Variants in PRKCE observed in about 807,000 individuals in gnomAD.
The protein encoded by PRKCE is protein kinase C epsilon type.
In PRKCE, 16 loss-of-function variants were observed where a neutral mutation model predicts 85.4. The observed-to-expected ratio is 0.19, with a 90% confidence interval of 0.13 to 0.28. The LOEUF is 0.28. Ranked by LOEUF, PRKCE falls within the 10% of genes least tolerant of loss-of-function variation. The pLI is 1.00. For synonymous variants in PRKCE, 388 were observed against 371.5 expected (o/e 1.04, Z -0.51); for missense variants, 573 against 975.2 (o/e 0.59, Z 5.49).
intron 2 of PRKCE, among the ~76,000 whole-genome samples, chr2:45,969,914 C>T (rs1422038459): frequency 2.0e-5 from 3 of 152,208 alleles, no homozygotes; most frequent in Non-Finnish European, 4.4e-5. Flanking sequence ...CTTAAAGTTG[C>T]TGTCGTTGTA....
chr2:45,754,028 T>G (rs1437800073), intron 1 of PRKCE, among the ~76,000 whole-genome samples: 2 of 152,186 alleles, frequency 1.3e-5, no homozygotes, highest in Non-Finnish European at 2.9e-5. Flanking sequence ...AAGGCCTATA[T>G]TCACATTGCC....
At chr2:45,766,526 T>C (rs563872082) in intron 1 of PRKCE, among the ~76,000 whole-genome samples, 1 of 152,040 alleles carries the variant, frequency 6.6e-6, no homozygotes, top group African/African-American at 2.4e-5. Flanking sequence ...CAGAGAGAGA[T>C]AGTTGAGGGA....
intron 1 of PRKCE, among the ~76,000 whole-genome samples, chr2:45,841,839 A>T (rs2105478200): frequency 6.6e-6 from 1 of 152,376 alleles, no homozygotes; most frequent in Non-Finnish European, 1.5e-5. Context: ...GATATCCACT[A>T]GACTGACTGT....
At chr2:45,936,530 G>A (rs1330544343) in intron 2 of PRKCE, among the ~76,000 whole-genome samples, 2 of 152,178 alleles carry the variant, frequency 1.3e-5, no homozygotes, top group East Asian at 1.9e-4. Flanking sequence ...GGAAGCCAGC[G>A]GGAGGCCCGA....
intron 2 of PRKCE, among the ~76,000 whole-genome samples, chr2:45,962,278 T>C (rs557406644): frequency 2.8e-4 from 43 of 152,340 alleles, no homozygotes; most frequent in Middle Eastern, 3.4e-3. Context: ...AAAGAATGTA[T>C]ACCTATAAGA....
intron 1 of PRKCE, among the ~76,000 whole-genome samples, chr2:45,757,588 G>T (rs1353659147): frequency 6.6e-6 from 1 of 152,000 alleles, no homozygotes; most frequent in Non-Finnish European, 1.5e-5. Context: ...GATCATTTGA[G>T]CCCAGGAGTT....
intron 1 of PRKCE, among the ~76,000 whole-genome samples, chr2:45,744,014 G>C (rs1285115323): frequency 9.8e-5 from 14 of 143,490 alleles, no homozygotes; most frequent in Admixed American, 8.4e-4. Flanking sequence ...TTTTTTTCCA[G>C]ATAATGCATC....
At chr2:45,967,691 AT>A (rs11431588) in intron 2 of PRKCE, among the ~76,000 whole-genome samples, 1 of 151,866 alleles carries the variant, frequency 6.6e-6, no homozygotes, top group African/African-American at 2.4e-5. Flanking sequence ...AGGATGACTC[AT>A]TTTTTTTCTT....
At chr2:45,917,673 C>T (rs1697909008) in intron 2 of PRKCE, among the ~76,000 whole-genome samples, 1 of 152,270 alleles carries the variant, frequency 6.6e-6, no homozygotes, top group South Asian at 2.1e-4. Flanking sequence ...TGCGCCCGCA[C>T]TCCTCAGCCC....
chr2:45,838,425 A>G, intron 1 of PRKCE, among the ~76,000 whole-genome samples: 1 of 152,338 alleles, frequency 6.6e-6, no homozygotes, highest in Middle Eastern at 3.4e-3. Flanking sequence ...ACAGGAGATT[A>G]GATGAACTAA....
At chr2:45,919,360 T>C (rs951659750) in intron 2 of PRKCE, among the ~76,000 whole-genome samples, 9 of 152,248 alleles carry the variant, frequency 5.9e-5, no homozygotes, top group African/African-American at 2.2e-4. Context: ...TTCCAAAACA[T>C]GTGATCTCTA....
At chr2:46,115,814 C>A (rs981473927) in intron 11 of PRKCE, among the ~76,000 whole-genome samples, 1 of 152,192 alleles carries the variant, frequency 6.6e-6, no homozygotes, top group Non-Finnish European at 1.5e-5. Flanking sequence ...ACCAGGTACC[C>A]CGGGGAACTC....
In PRKCE at chr2:46,177,914, C is replaced by T. The variant is rs757125278; in HGVS notation, c.2068-6821C>T. On this transcript the variant is annotated intron_variant, in intron 14 of 14. Coordinates refer to ENST00000306156, the MANE Select transcript of PRKCE (RefSeq NM_005400.3). ...CCACTGCACTTGGCACTGTTCAGAC[C>T]GCAGAGGCAGGAACTGAGCAGTCAC... 9.9e-5 allele frequency among the ~76,000 whole-genome samples: 15 copies of T among 152,204 alleles called. No homozygotes were observed. The Middle Eastern group carries it at 0.014, about 138-fold the overall frequency.
chr2:45,756,452 C>T (rs956624637), intron 1 of PRKCE, among the ~76,000 whole-genome samples: 25 of 152,276 alleles, frequency 1.6e-4, no homozygotes, highest in Middle Eastern at 6.8e-3. Context: ...AAAAGTTAAA[C>T]GTAAACCTAC....
chr2:45,975,721 C>T (rs989685653), intron 2 of PRKCE, among the ~76,000 whole-genome samples: 2 of 152,116 alleles, frequency 1.3e-5, no homozygotes, highest in African/African-American at 2.4e-5. Context: ...AGTCTCAGAA[C>T]TGGAGGGAAG....
intron 11 of PRKCE, among the ~76,000 whole-genome samples, chr2:46,093,406 T>G (rs1025856443): frequency 6.6e-5 from 10 of 150,824 alleles, no homozygotes; most frequent in Middle Eastern, 3.4e-3. Context: ...AAAAGCAGTT[T>G]TTTTTTTTTT....
At chr2:45,829,154 T>C (rs994506088) in intron 1 of PRKCE, among the ~76,000 whole-genome samples, 4 of 152,250 alleles carry the variant, frequency 2.6e-5, no homozygotes, top group African/African-American at 9.6e-5. Context: ...TGATTATTCT[T>C]ATAGTTAAAT....
intron 1 of PRKCE, among the ~76,000 whole-genome samples, chr2:45,731,932 A>T (rs754166577): frequency 1.6e-4 from 24 of 152,150 alleles, no homozygotes; most frequent in Non-Finnish European, 3.1e-4. Context: ...ACTGCTACAG[A>T]CTGCCATGTG....
chr2:45,748,602 A>T (rs2104722421), intron 1 of PRKCE, among the ~76,000 whole-genome samples: 1 of 152,296 alleles, frequency 6.6e-6, no homozygotes, highest in East Asian at 1.9e-4. Context: ...GGGAGGGCAG[A>T]TACTCTGGCT....
Sources: gnomAD v4.1 joint callset for allele counts (sites outside exome capture counted in the v4.1 genomes callset) on GRCh38, gnomAD v4.1.1 for gene constraint, MANE v1.5 for transcripts, NCBI Gene and HGNC (gene_info 2026-07-23, HGNC 2026-07-21) for gene names.